The following TTC28 variants were observed in gnomAD, a reference collection of about 807,000 sequenced individuals.
TTC28 encodes tetratricopeptide repeat protein 28.
Under a neutral mutation model 198.0 loss-of-function variants are expected in TTC28, and 61 were observed. The ratio of observed to expected loss-of-function variants is 0.31; its 90% confidence interval spans 0.25 to 0.38. TTC28 has a LOEUF of 0.38. Among genes scored for constraint, TTC28 ranks in the 10% least tolerant of loss-of-function variants. The pLI is 1.00. For missense variants in TTC28, 2,678 were observed against 3,164.0 expected, an observed-to-expected ratio of 0.85 and a Z score of 3.69; for synonymous variants, 1,171 against 1,297.8, an observed-to-expected ratio of 0.90 and a Z score of 2.10.
intron 2 of TTC28, among the ~76,000 whole-genome samples, chr22:28,334,712 A>G (rs1414850461): frequency 6.6e-6 from 1 of 151,912 alleles, no homozygotes; most frequent in Non-Finnish European, 1.5e-5. Flanking sequence ...TTTTTCTTGT[A>G]AATTTGTTTG....
At chr22:28,204,942 G>T (rs565930244) in intron 5 of TTC28, among the ~76,000 whole-genome samples, 1 of 152,098 alleles carries the variant, frequency 6.6e-6, no homozygotes, top group African/African-American at 2.4e-5. Flanking sequence ...TTGTCTTAAA[G>T]CTGGTTATTA....
At chr22:28,260,883 A>G (rs1172141830) in intron 5 of TTC28, among the ~76,000 whole-genome samples, 2 of 152,182 alleles carry the variant, frequency 1.3e-5, no homozygotes, top group Non-Finnish European at 2.9e-5. Context: ...AAAATAGCAC[A>G]GTAAGATATG....
intron 2 of TTC28, among the ~76,000 whole-genome samples, chr22:28,527,252 G>T (rs978129767): frequency 3.9e-4 from 59 of 152,082 alleles, no homozygotes; most frequent in African/African-American, 1.4e-3. Context: ...TGCCCACACT[G>T]GTGCCCCAAC....
chr22:28,603,719 T>C (rs2050679982), intron 2 of TTC28, among the ~76,000 whole-genome samples: 1 of 152,098 alleles, frequency 6.6e-6, no homozygotes. Context: ...TCAATATGAT[T>C]ATGTAAAAAC....
At chr22:28,598,726 T>C (rs1272208175) in intron 2 of TTC28, among the ~76,000 whole-genome samples, 1 of 152,100 alleles carries the variant, frequency 6.6e-6, no homozygotes, top group Admixed American at 6.6e-5. Flanking sequence ...CCTCTATCCA[T>C]TTGGGGTATA....
intron 2 of TTC28, among the ~76,000 whole-genome samples, chr22:28,414,505 G>T (rs534499667): frequency 7.0e-6 from 1 of 141,922 alleles, no homozygotes; most frequent in South Asian, 2.4e-4. Flanking sequence ...GGCCTATGGT[G>T]GGAAAAGCAT....
At chr22:28,250,040 T>C (rs1930408014) in intron 5 of TTC28, among the ~76,000 whole-genome samples, 1 of 152,136 alleles carries the variant, frequency 6.6e-6, no homozygotes, top group African/African-American at 2.4e-5. Context: ...ATTAGAGAGG[T>C]GTCTAATGTA....
chr22:28,482,654 A>T (rs924456810), intron 2 of TTC28, among the ~76,000 whole-genome samples: 2 of 152,108 alleles, frequency 1.3e-5, no homozygotes, highest in African/African-American at 4.8e-5. Context: ...CTGTGCAACA[A>T]CCACCTCTAT....
intron 2 of TTC28, among the ~76,000 whole-genome samples, chr22:28,538,024 A>G (rs1371414771): frequency 6.6e-6 from 1 of 152,172 alleles, no homozygotes; most frequent in African/African-American, 2.4e-5. Context: ...AATGTATACA[A>G]TATGCTATTC....
chr22:28,100,183 C>T (rs574191299), intron 9 of TTC28, among the ~76,000 whole-genome samples: 3 of 152,266 alleles, frequency 2.0e-5, no homozygotes, highest in East Asian at 3.9e-4. Context: ...ACTTGCTTCT[C>T]GGCCTTTTGG....
At chr22:28,533,882 C>T (rs902081210) in intron 2 of TTC28, among the ~76,000 whole-genome samples, 15 of 152,118 alleles carry the variant, frequency 9.9e-5, no homozygotes, top group African/African-American at 3.6e-4. Flanking sequence ...ACTGGATCCC[C>T]TCCTTACCCC....
At chr22:28,164,210 C>A (rs1921601065) in intron 5 of TTC28, among the ~76,000 whole-genome samples, 1 of 152,208 alleles carries the variant, frequency 6.6e-6, no homozygotes, top group Non-Finnish European at 1.5e-5. Flanking sequence ...TAGACTCCAC[C>A]TCTGGGAGCA....
intron 2 of TTC28, among the ~76,000 whole-genome samples, chr22:28,433,806 G>A (rs898805006): frequency 6.6e-6 from 1 of 151,956 alleles, no homozygotes; most frequent in Non-Finnish European, 1.5e-5. Context: ...TAAGTTACTG[G>A]GGGAAAAAAA....
chr22:28,589,857 G>A (rs551447247), intron 2 of TTC28, among the ~76,000 whole-genome samples: 5 of 151,532 alleles, frequency 3.3e-5, no homozygotes, highest in African/African-American at 1.2e-4. Flanking sequence ...GGCCAAGATG[G>A]TGAAACCCCG....
chr22:28,034,635 T>A (rs1939262899), intron 12 of TTC28, among the ~76,000 whole-genome samples: 1 of 152,178 alleles, frequency 6.6e-6, no homozygotes, highest in African/African-American at 2.4e-5. Flanking sequence ...TGTCTGGAGT[T>A]AGGTAGAAGG....
At chr22:28,170,135 A>T (rs560201778) in intron 5 of TTC28, among the ~76,000 whole-genome samples, 7 of 152,322 alleles carry the variant, frequency 4.6e-5, no homozygotes, top group African/African-American at 1.7e-4. Flanking sequence ...AACATTAATT[A>T]TGATATTACA....
chr22:28,536,486 T>C (rs1355949327), intron 2 of TTC28, among the ~76,000 whole-genome samples: 1 of 151,330 alleles, frequency 6.6e-6, no homozygotes, highest in African/African-American at 2.4e-5. Context: ...TAGCCAGACG[T>C]GGTGGCAGGC....
chr22:28,198,704 G>A (rs556734760), intron 5 of TTC28, among the ~76,000 whole-genome samples: 52 of 152,072 alleles, frequency 3.4e-4, no homozygotes, highest in Middle Eastern at 6.8e-3. Flanking sequence ...GATAGGGCCC[G>A]GTTCCACACA....
chr22:28,134,337 C>G (rs1484715467), intron 6 of TTC28, among the ~76,000 whole-genome samples: 2 of 152,196 alleles, frequency 1.3e-5, no homozygotes, highest in East Asian at 3.8e-4. Flanking sequence ...TCCTCGCCAG[C>G]AATGGAACAC....
Sources: allele counts gnomAD v4.1 joint callset (sites outside exome capture counted in the v4.1 genomes callset), GRCh38; gene constraint gnomAD v4.1.1; transcripts MANE v1.5; gene names NCBI Gene and HGNC (gene_info 2026-07-23, HGNC 2026-07-21).